Variants in ZBTB20 observed in about 807,000 individuals in gnomAD.
ZBTB20 encodes zinc finger and BTB domain-containing protein 20.
In ZBTB20, 9 loss-of-function variants were observed where a neutral mutation model predicts 56.9. The observed-to-expected ratio is 0.16, with a 90% confidence interval of 0.10 to 0.28. ZBTB20 has a LOEUF of 0.28. Among genes scored for constraint, ZBTB20 ranks in the 10% least tolerant of loss-of-function variants. The pLI is 1.00. For missense variants in ZBTB20, 655 were observed against 1,003.0 expected (o/e 0.65, Z 4.69); for synonymous variants, 417 against 420.7 (o/e 0.99, Z 0.11).
chr3:114,960,443 G>C (rs748620756), intron 3 of ZBTB20, among the ~76,000 whole-genome samples: 3 of 152,120 alleles, frequency 2.0e-5, no homozygotes, highest in African/African-American at 7.2e-5. Flanking sequence ...GACTCCCTAC[G>C]TACTACAGAT....
intron 1 of ZBTB20, among the ~76,000 whole-genome samples, chr3:115,119,607 T>C (rs2084122115): frequency 6.6e-6 from 1 of 152,192 alleles, no homozygotes; most frequent in Non-Finnish European, 1.5e-5. Context: ...AAACACTTAG[T>C]GCTAGGTACA....
chr3:114,376,452 C>A (rs2083641312), intron 10 of ZBTB20, among the ~76,000 whole-genome samples: 1 of 152,204 alleles, frequency 6.6e-6, no homozygotes, highest in African/African-American at 2.4e-5. Flanking sequence ...TAAAAATCTT[C>A]TGTTTTGTTC....
chr3:114,639,469 G>C lies in ZBTB20; in HGVS notation c.-295+54059C>G, dbSNP rs541629766. Among the ~76,000 whole-genome samples, 12 of 122,722 alleles carry C rather than the reference G, an allele frequency of 9.8e-5. No individual in the cohort carries two copies. In the South Asian group the frequency reaches 3.2e-3, roughly 33 times the overall value. The allele number at this position is 122,722 out of a possible 152,430, so 80.5% of individuals were successfully genotyped here. ...ACTAGTCCACAACAAAATTTCATTAGTTTTTTTTTTTTTCTCTCCTAGAGA... is the reference window on the plus strand; with the variant it reads ...ACTAGTCCACAACAAAATTTCATTACTTTTTTTTTTTTTCTCTCCTAGAGA... On this transcript the variant is annotated intron_variant, in intron 6 of 11. Coordinates refer to ENST00000675478, the MANE Select transcript of ZBTB20 (RefSeq NM_001348800.3).
At chr3:114,719,436 G>A (rs536113748) in intron 5 of ZBTB20, among the ~76,000 whole-genome samples, 5 of 152,036 alleles carry the variant, frequency 3.3e-5, no homozygotes, top group Non-Finnish European at 7.4e-5. Flanking sequence ...AATATCATGA[G>A]GAACATTCTG....
intron 7 of ZBTB20, among the ~76,000 whole-genome samples, chr3:114,438,503 T>C (rs1467244530): frequency 6.6e-6 from 1 of 151,900 alleles, no homozygotes; most frequent in East Asian, 1.9e-4. Flanking sequence ...CAAGATCACC[T>C]TGATCATAAT....
At chr3:115,055,187 ATCTCTCTCTCTCTCTCTC>A (rs58480744) in intron 2 of ZBTB20, among the ~76,000 whole-genome samples, 2 of 103,142 alleles carry the variant, frequency 1.9e-5, no homozygotes, top group African/African-American at 8.0e-5. Context: ...CCTCCTGGTA[ATCTCTCTCTCTCTCTCTC>A]TCTCTCTCTC....
intron 6 of ZBTB20, among the ~76,000 whole-genome samples, chr3:114,663,988 G>C (rs1418997806): frequency 6.6e-6 from 1 of 151,964 alleles, no homozygotes; most frequent in Non-Finnish European, 1.5e-5. Flanking sequence ...AACGAGACAG[G>C]ATTTTGCTTC....
At chr3:115,032,409 C>T (rs987835531) in intron 2 of ZBTB20, among the ~76,000 whole-genome samples, 6 of 151,376 alleles carry the variant, frequency 4.0e-5, no homozygotes, top group Admixed American at 6.6e-5. Context: ...AGTTACATTA[C>T]ACAGTCACTA....
chr3:114,324,420 T>C lies in ZBTB20; in HGVS notation c.*14585A>G, dbSNP rs1319766881. ...GGCTACAGGCAGCAGCCACCTAACA[T>C]AACATAAATAGGTACACTAGGAGCA... On this transcript the variant is annotated 3_prime_UTR_variant, in exon 12 of 12. Coordinates refer to ENST00000675478, the MANE Select transcript of ZBTB20 (RefSeq NM_001348800.3). 1.3e-5 allele frequency: 2 copies of C among 152,164 alleles called. No individual in the cohort carries two copies. The highest frequency in any genetic ancestry group is 2.9e-5 in the Non-Finnish European group (2 of 68,012). The allele number at this position is 152,164 out of a possible 1,614,324, so 9.4% of individuals were successfully genotyped here. A position where few individuals can be genotyped will look rare whatever the true frequency, so the allele number is the denominator to read the frequency against.
chr3:114,897,330 C>G (rs2074924764), intron 4 of ZBTB20, among the ~76,000 whole-genome samples: 1 of 151,854 alleles, frequency 6.6e-6, no homozygotes, highest in Non-Finnish European at 1.5e-5. Context: ...TTCTAGCAAA[C>G]AGCAGACATC....
chr3:114,576,323 C>T (rs1417845031), intron 6 of ZBTB20, among the ~76,000 whole-genome samples: 1 of 151,554 alleles, frequency 6.6e-6, no homozygotes, highest in East Asian at 1.9e-4. Flanking sequence ...CACAGTGAAA[C>T]CCCGTCTCTA....
intron 5 of ZBTB20, among the ~76,000 whole-genome samples, chr3:114,792,962 G>A (rs938182350): frequency 3.4e-5 from 5 of 147,408 alleles, no homozygotes; most frequent in South Asian, 2.1e-4. Context: ...TGCAACCTCC[G>A]CCTCCTGGGT....
At chr3:114,575,459 T>G (rs533900784) in intron 6 of ZBTB20, among the ~76,000 whole-genome samples, 2 of 152,298 alleles carry the variant, frequency 1.3e-5, no homozygotes, top group South Asian at 4.1e-4. Flanking sequence ...ACAGTATTTT[T>G]TATCCTAGCA....
chr3:114,881,563 A>G (rs1359423952), intron 4 of ZBTB20, among the ~76,000 whole-genome samples: 1 of 151,938 alleles, frequency 6.6e-6, no homozygotes, highest in Non-Finnish European at 1.5e-5. Flanking sequence ...ATCATTGCTT[A>G]AATTAGCAAA....
At chr3:114,687,696 A>T (rs1461931413) in intron 6 of ZBTB20, 1 of 152,092 alleles carries the variant, frequency 6.6e-6, no homozygotes, top group African/African-American at 2.4e-5. Flanking sequence ...AAACCAATAA[A>T]TGTTTATTGA....
intron 5 of ZBTB20, among the ~76,000 whole-genome samples, chr3:114,775,516 T>C (rs1251236216): frequency 2.0e-5 from 3 of 151,742 alleles, no homozygotes; most frequent in Non-Finnish European, 4.4e-5. Flanking sequence ...TTCCTTGAGA[T>C]CTTGCAATAC....
intron 10 of ZBTB20, among the ~76,000 whole-genome samples, chr3:114,360,639 C>T (rs2081763302): frequency 6.6e-6 from 1 of 152,080 alleles, no homozygotes; most frequent in Non-Finnish European, 1.5e-5. Context: ...GCGTGAGCCA[C>T]TGTGCCCGGC....
chr3:114,656,876 T>C (rs1008720959), intron 6 of ZBTB20, among the ~76,000 whole-genome samples: 1 of 152,130 alleles, frequency 6.6e-6, no homozygotes, highest in Non-Finnish European at 1.5e-5. Context: ...GCCTTCTGAG[T>C]AGCTGGGATT....
chr3:114,992,793 GA>G (rs199887157), intron 2 of ZBTB20, among the ~76,000 whole-genome samples: 13 of 150,044 alleles, frequency 8.7e-5, no homozygotes, highest in Middle Eastern at 3.4e-3. Context: ...GGTTCTGGGG[GA>G]AAAAAAAACA....
Sources: gnomAD v4.1 joint callset for allele counts (sites outside exome capture counted in the v4.1 genomes callset) on GRCh38, gnomAD v4.1.1 for gene constraint, MANE v1.5 for transcripts, NCBI Gene and HGNC (gene_info 2026-07-23, HGNC 2026-07-21) for gene names.